COL24A1: variants seen among roughly 807,000 people sequenced by gnomAD.
COL24A1 encodes the protein collagen alpha-1(XXIV) chain.
In COL24A1, 224 loss-of-function variants were observed where a neutral mutation model predicts 253.9. The ratio of observed to expected loss-of-function variants is 0.88; its 90% CI spans 0.79 to 0.99. The LOEUF is 0.99. Among genes scored for constraint, COL24A1 ranks in the 50% least tolerant of loss-of-function variants. The pLI is 0.00. For synonymous variants in COL24A1, 685 were observed against 673.7 expected, an observed-to-expected ratio of 1.02 and a Z score of -0.26; for missense variants, 2,131 against 2,068.5, an observed-to-expected ratio of 1.03 and a Z score of -0.59.
intron 29 of COL24A1, 32 bp downstream of exon 29, chr1:85,896,323 AC>A: frequency 6.3e-7 from 1 of 1,580,932 alleles, no homozygotes; most frequent in Non-Finnish European, 8.7e-7. Flanking sequence ...ATAAAATTTA[AC>A]TACATATGAA....
At chr1:86,148,553 T>C (rs1276449337) in intron 1 of COL24A1, among the ~76,000 whole-genome samples, 1 of 144,680 alleles carries the variant, frequency 6.9e-6, no homozygotes, top group East Asian at 2.1e-4. Context: ...CCTGTGCCCA[T>C]GTGTTTTCAT....
intron 5 of COL24A1, among the ~76,000 whole-genome samples, chr1:86,109,200 C>T (rs1705300812): frequency 6.6e-6 from 1 of 152,154 alleles, no homozygotes; most frequent in African/African-American, 2.4e-5. Flanking sequence ...AAAAGAAATT[C>T]CTAATTTCTT....
At chr1:85,770,771 G>T (rs1389662171) in intron 53 of COL24A1, among the ~76,000 whole-genome samples, 1 of 152,144 alleles carries the variant, frequency 6.6e-6, no homozygotes, top group Non-Finnish European at 1.5e-5. Context: ...AATGAGGGAA[G>T]TAGGGCCAGT....
intron 47 of COL24A1, among the ~76,000 whole-genome samples, chr1:85,790,845 A>G (rs1449491463): frequency 1.3e-5 from 2 of 152,198 alleles, no homozygotes; most frequent in East Asian, 3.8e-4. Flanking sequence ...ACATTATCAG[A>G]CTAGGCACAT....
chr1:85,966,012 C>T (rs896534552), intron 22 of COL24A1, among the ~76,000 whole-genome samples: 2 of 152,200 alleles, frequency 1.3e-5, no homozygotes, highest in African/African-American at 4.8e-5. Context: ...TAAGTTTTAA[C>T]AGGATCACTT....
chr1:86,005,283 T>C (rs1229150496), intron 19 of COL24A1, among the ~76,000 whole-genome samples: 2 of 151,790 alleles, frequency 1.3e-5, no homozygotes, highest in African/African-American at 4.8e-5. Context: ...AATAAGAATA[T>C]ACCATCTTGT....
intron 35 of COL24A1, among the ~76,000 whole-genome samples, chr1:85,872,414 T>C (rs1225878236): frequency 6.6e-6 from 1 of 152,134 alleles, no homozygotes; most frequent in Non-Finnish European, 1.5e-5. Flanking sequence ...AGAACAAAGC[T>C]GGAGGCATCA....
chr1:86,139,054 G>T (rs1377330997), intron 2 of COL24A1, among the ~76,000 whole-genome samples: 1 of 151,958 alleles, frequency 6.6e-6, no homozygotes, highest in Non-Finnish European at 1.5e-5. Context: ...AGCTTACAAA[G>T]CTGACATACT....
rs1226487927 is a variant in COL24A1 at position 85,730,390 on chromosome 1, C to T, written c.*156G>A. The T allele has an allele frequency of 1.5e-6, 1 of 669,062 alleles. No homozygotes were observed. Among genetic ancestry groups the T allele is most frequent in the African/African-American group, 1.8e-5 (1 of 55,334 alleles). The allele number at this position is 669,062 out of a possible 1,614,324, so 41.4% of individuals were successfully genotyped here. The stretch of plus-strand genomic sequence containing the variant: ...ATAGTCCTTTAAAAATGCCTTTTCT[C>T]CTTCTTAGGAGGAAGTCTGTTCTTC... On this transcript the variant is annotated 3_prime_UTR_variant, in exon 60 of 60. Coordinates refer to ENST00000370571, the MANE Select transcript of COL24A1 (RefSeq NM_152890.7).
intron 19 of COL24A1, among the ~76,000 whole-genome samples, chr1:85,994,141 T>G (rs897944851): frequency 6.6e-6 from 1 of 151,858 alleles, no homozygotes; most frequent in African/African-American, 2.4e-5. Flanking sequence ...GAGTAGTTTA[T>G]AAGTCTGAAC....
chr1:86,156,354 GGGAGACTTTTC>G lies in COL24A1; in HGVS notation c.32_42del (p.Gly11AlafsTer71), dbSNP rs750270015. ...TGGGCTACTTACGTTTTTGCCGTGG[GGGAGACTTTTC>G]CACGCCTTGTTCTGTGGGCTCTTAA... On this transcript the variant is annotated frameshift_variant, in exon 1 of 60. Transcript: ENST00000370571. LOFTEE classifies it high-confidence loss of function. The G allele has an allele frequency of 1.2e-6, 2 of 1,612,802 alleles. No individual in the cohort carries two copies. The highest frequency in any genetic ancestry group is 1.7e-6 in the Non-Finnish European group (2 of 1,179,478).
At chr1:86,156,294 G>A (rs1367210479) in intron 1 of COL24A1, 47 bp downstream of exon 1, 3 of 1,551,374 alleles carry the variant, frequency 1.9e-6, no homozygotes, top group East Asian at 2.3e-5. Context: ...GGGGTGGAGA[G>A]AGGGGTTGGT....
chr1:86,097,467 C>T (rs866048171), intron 5 of COL24A1, among the ~76,000 whole-genome samples: 1 of 33,998 alleles, frequency 2.9e-5, no homozygotes, highest in East Asian at 6.2e-4. Context: ...CTTCCTCCCT[C>T]CTCCTCCTCC....
chr1:85,776,632 T>C (rs1445017632), intron 52 of COL24A1, among the ~76,000 whole-genome samples: 1 of 151,900 alleles, frequency 6.6e-6, no homozygotes, highest in African/African-American at 2.4e-5. Flanking sequence ...TTTAATATAC[T>C]ATGATAATAT....
At chr1:85,867,287 G>A (rs1359565206) in intron 37 of COL24A1, among the ~76,000 whole-genome samples, 1 of 152,188 alleles carries the variant, frequency 6.6e-6, no homozygotes, top group African/African-American at 2.4e-5. Context: ...CTTCCAGCCT[G>A]CCTGCATGAT....
intron 12 of COL24A1, among the ~76,000 whole-genome samples, chr1:86,036,226 A>C (rs1271137326): frequency 1.3e-5 from 2 of 151,940 alleles, no homozygotes; most frequent in Non-Finnish European, 2.9e-5. Context: ...GCTTCAAGTG[A>C]TACCTCCTGC....
At chr1:86,008,668 A>G (rs900056096) in intron 19 of COL24A1, among the ~76,000 whole-genome samples, 1 of 152,172 alleles carries the variant, frequency 6.6e-6, no homozygotes. Context: ...AATTAACTTA[A>G]AGGTTTAAGA....
intron 19 of COL24A1, among the ~76,000 whole-genome samples, chr1:85,989,693 C>T (rs143289289): frequency 9.8e-4 from 149 of 152,220 alleles, no homozygotes; most frequent in African/African-American, 3.4e-3. Flanking sequence ...TTACTCTCTA[C>T]CACCCAGCAC....
At position 86,125,214 on chromosome 1, in the gene COL24A1, A is replaced by G. The variant is rs1648067004; in HGVS notation, c.1122T>C (p.Ser374=). 3 of 1,613,504 alleles carry G rather than the reference A, an allele frequency of 1.9e-6. No individual in the cohort carries two copies. Among genetic ancestry groups the G allele is most frequent in the Non-Finnish European group, 2.5e-6 (3 of 1,179,770 alleles). The change falls in exon 3 of 60, where the codon TCT becomes TCC. Residue 374 remains serine, a synonymous_variant. Coordinates refer to ENST00000370571, the MANE Select transcript of COL24A1 (RefSeq NM_152890.7). The stretch of plus-strand genomic sequence containing the variant: ...TATCATCATGTTGTGTGATATTGTC[A>G]GACATGTTTAGGAGAGAGCTAAATT... ...KEKFSSLLNM[S]DNITQHDDRV... is the part of the protein sequence containing the mutation.
Sources: gnomAD v4.1 joint callset for allele counts (sites outside exome capture counted in the v4.1 genomes callset) on GRCh38, gnomAD v4.1.1 for gene constraint, MANE v1.5 for transcripts, NCBI Gene and HGNC (gene_info 2026-07-23, HGNC 2026-07-21) for gene names.